The following ACSM1 variants were observed in gnomAD, a reference collection of about 807,000 sequenced individuals.
The protein encoded by ACSM1 is acyl-coenzyme A synthetase ACSM1, mitochondrial.
In ACSM1, 79 loss-of-function variants were observed where a neutral mutation model predicts 75.8. The ratio of observed to expected loss-of-function variants is 1.04; its 90% CI spans 0.87 to 1.26. The LOEUF (loss-of-function observed/expected upper bound fraction) is 1.26, where lower values mean the gene tolerates loss of function less well. Among genes scored for constraint, ACSM1 ranks in the 50% most tolerant of loss-of-function variants. The probability of loss-of-function intolerance (pLI) is 0.00; values close to 1 mark genes in which losing one functional copy is unlikely to be tolerated. For synonymous variants in ACSM1, 279 were observed against 265.8 expected, an observed-to-expected ratio of 1.05 and a Z score of -0.48; for missense variants, 676 against 720.1, an observed-to-expected ratio of 0.94 and a Z score of 0.70.
At chr16:20,669,600 C>T (rs2019776656) in intron 6 of ACSM1, among the ~76,000 whole-genome samples, 1 of 152,078 alleles carries the variant, frequency 6.6e-6, no homozygotes, top group Admixed American at 6.5e-5. Flanking sequence ...GACTGATCTA[C>T]AGGTCTGAAG....
intron 7 of ACSM1, among the ~76,000 whole-genome samples, chr16:20,659,891 TG>T (rs1596872234): frequency 6.6e-6 from 1 of 152,200 alleles, no homozygotes; most frequent in East Asian, 1.9e-4. Flanking sequence ...TAATCATCAA[TG>T]ACAAAATGTT....
intron 10 of ACSM1, among the ~76,000 whole-genome samples, chr16:20,635,820 T>G (rs934564493): frequency 6.6e-6 from 1 of 152,094 alleles, no homozygotes; most frequent in Non-Finnish European, 1.5e-5. Context: ...TTTGTATTTT[T>G]AGTGGAGATG....
chr16:20,649,658 A>G (rs2018542480), intron 7 of ACSM1, among the ~76,000 whole-genome samples: 1 of 152,228 alleles, frequency 6.6e-6, no homozygotes, highest in South Asian at 2.1e-4. Flanking sequence ...CCAGGTCTTC[A>G]GATAAACTTA....
At chr16:20,638,193 C>T (rs181770187) in intron 8 of ACSM1, among the ~76,000 whole-genome samples, 41 of 152,310 alleles carry the variant, frequency 2.7e-4, no homozygotes, top group Non-Finnish European at 5.6e-4. Context: ...GCCAATGAAT[C>T]CCTCTTGATC....
chr16:20,682,376 G>A lies in ACSM1; in HGVS notation c.491C>T (p.Thr164Ile), dbSNP rs2079464790. 2 of 1,613,956 alleles carry A rather than the reference G, an allele frequency of 1.2e-6. No homozygotes were observed. The highest frequency in any genetic ancestry group is 1.7e-6 in the Non-Finnish European group (2 of 1,179,844). Residue 164 changes from threonine to isoleucine, a missense_variant, in exon 4 of 14, where the codon ACC becomes ATC. Physicochemically the swap from Thr to Ile is moderately conservative, Grantham distance 89. Coordinates refer to ENST00000520010, the MANE Select transcript of ACSM1 (RefSeq NM_001318890.3). The stretch of plus-strand genomic sequence containing the variant: ...CACCTCTGAGGCAAGGGCATCTATG[G>A]TCACAATGCCCTTGGCTTTAGACAA... Reference protein sequence around the residue: ...LQLSKAKGIVTIDALASEVDS... With the variant: ...LQLSKAKGIVIIDALASEVDS...
intron 4 of ACSM1, among the ~76,000 whole-genome samples, chr16:20,672,471 A>AAAAAAAAAT (rs1555473775): frequency 2.3e-4 from 15 of 64,570 alleles, no homozygotes; most frequent in South Asian, 5.7e-4. Flanking sequence ...AAAAAAAAAA[A>AAAAAAAAAT]ATATATATAT....
intron 9 of ACSM1, chr16:20,637,082 C>CA (rs1324536131): frequency 2.4e-5 from 18 of 750,586 alleles, no homozygotes; most frequent in Non-Finnish European, 2.9e-5. Flanking sequence ...AAACAGTGAT[C>CA]AAAAAAAATG....
chr16:20,637,308 T>C, intron 9 of ACSM1, 63 bp downstream of exon 9: 1 of 1,284,906 alleles, frequency 7.8e-7, no homozygotes, highest in Non-Finnish European at 1.1e-6. Flanking sequence ...TGTCACCTGG[T>C]GTCAAATTGT....
chr16:20,671,440 GACACACAC>G (rs55913255), intron 5 of ACSM1, 83 bp downstream of exon 5: 500 of 970,118 alleles, frequency 5.2e-4, no homozygotes, highest in South Asian at 3.1e-3. Context: ...CCTTTCCCAA[GACACACAC>G]ACACACACAC....
intron 2 of ACSM1, among the ~76,000 whole-genome samples, chr16:20,688,331 T>C (rs547865749): frequency 1.3e-5 from 2 of 152,164 alleles, no homozygotes; most frequent in East Asian, 3.9e-4. Flanking sequence ...CCAACCAATA[T>C]ACCCATTTTG....
chr16:20,635,389 GT>G (rs1023818577), intron 10 of ACSM1, among the ~76,000 whole-genome samples: 4 of 151,998 alleles, frequency 2.6e-5, no homozygotes, highest in African/African-American at 4.8e-5. Context: ...GCAAGACCTT[GT>G]TTTTTTCTTT....
chr16:20,636,713 G>C, intron 10 of ACSM1, 26 bp downstream of exon 10: 1 of 1,576,528 alleles, frequency 6.3e-7, no homozygotes, highest in East Asian at 2.2e-5. Context: ...TTGGGGCCAG[G>C]ATGGGGGCAG....
chr16:20,633,261 C>T (rs549470684), intron 10 of ACSM1, among the ~76,000 whole-genome samples: 2 of 152,124 alleles, frequency 1.3e-5, no homozygotes, highest in African/African-American at 2.4e-5. Flanking sequence ...ATAGAAAACC[C>T]GAAGAATTTT....
At chr16:20,654,939 A>G (rs2018865181) in intron 7 of ACSM1, among the ~76,000 whole-genome samples, 1 of 152,172 alleles carries the variant, frequency 6.6e-6, no homozygotes, top group Non-Finnish European at 1.5e-5. Context: ...CTATAAAGAC[A>G]CATGCACACG....
intron 10 of ACSM1, among the ~76,000 whole-genome samples, chr16:20,630,153 CT>C (rs1268683904): frequency 1.3e-4 from 19 of 148,438 alleles, no homozygotes; most frequent in Non-Finnish European, 2.2e-4. Context: ...GAGTTTCGCT[CT>C]TGTTGCCCAG....
chr16:20,670,553 A>AATATCTCCC (rs1396056748), intron 5 of ACSM1, among the ~76,000 whole-genome samples: 1 of 152,182 alleles, frequency 6.6e-6, no homozygotes, highest in African/African-American at 2.4e-5. Context: ...AAAAACTTTC[A>AATATCTCCC]ATATCTCCCC....
At chr16:20,681,286 C>G (rs186755702) in intron 4 of ACSM1, 19 of 152,352 alleles carry the variant, frequency 1.2e-4, no homozygotes, top group Admixed American at 1.1e-3. Flanking sequence ...ATCACTTAGC[C>G]TCTGAAGGAA....
chr16:20,697,323 G>A (rs1323363117), intron 1 of ACSM1, among the ~76,000 whole-genome samples: 1 of 152,026 alleles, frequency 6.6e-6, no homozygotes, highest in African/African-American at 2.4e-5. Context: ...ATTCATCTCT[G>A]ACTTTGTGCC....
intron 7 of ACSM1, among the ~76,000 whole-genome samples, chr16:20,643,377 T>G (rs1229865921): frequency 6.6e-6 from 1 of 152,216 alleles, no homozygotes. Context: ...TGCCAAACTG[T>G]GTCTGGAATT....
Sources: gnomAD v4.1 joint callset for allele counts (sites outside exome capture counted in the v4.1 genomes callset) on GRCh38, gnomAD v4.1.1 for gene constraint, MANE v1.5 for transcripts, NCBI Gene and HGNC (gene_info 2026-07-23, HGNC 2026-07-21) for gene names.